Variants in GRIPAP1 observed in about 807,000 individuals in gnomAD.
GRIPAP1 encodes the protein GRIP1-associated protein 1.
GRIPAP1 carries 14 observed loss-of-function variants against 84.1 expected under a neutral mutation model. The ratio of observed to expected loss-of-function variants is 0.17; its 90% CI spans 0.11 to 0.26. The LOEUF is 0.26. Among genes scored for constraint, GRIPAP1 ranks in the 10% least tolerant of loss-of-function variants. The pLI, the probability that GRIPAP1 is intolerant of heterozygous loss-of-function variation, is 1.00. For missense variants in GRIPAP1, 518 were observed against 674.2 expected, an observed-to-expected ratio of 0.77 and a Z score of 2.57; for synonymous variants, 261 against 256.8, an observed-to-expected ratio of 1.02 and a Z score of -0.15.
chrX:48,992,890 G>A (rs1486192594), intron 6 of GRIPAP1, among the ~76,000 whole-genome samples: 9 of 108,524 alleles, frequency 8.3e-5, no homozygotes, highest in African/African-American at 3.0e-4. Flanking sequence ...GTGTGATCTC[G>A]GCTCACTGCA....
Position 48,992,165 on chromosome X carries a change from CTGGCT to C in GRIPAP1, c.458-1060_458-1056del, listed in dbSNP as rs1292635696. Among the ~76,000 whole-genome samples the C allele has an allele frequency of 4.5e-5, 5 of 111,397 alleles. No individual in the cohort carries two copies. In the East Asian group the frequency reaches 1.4e-3, roughly 32 times the overall value. On this transcript the variant is annotated intron_variant, in intron 6 of 25. Transcript: ENST00000376423. ...GAATTACAGGCATTTGCCATCAAAC[CTGGCT>C]AATTATTGTATTTTTAATAGAAATG...
chrX:48,986,128 C>A (rs921091036), intron 13 of GRIPAP1, among the ~76,000 whole-genome samples: 26 of 106,661 alleles, frequency 2.4e-4, no homozygotes, highest in Admixed American at 2.0e-4. Context: ...GTAGTCCCAG[C>A]TATTTGGGAG....
At chrX:48,974,931 A>G (rs1323725854) in intron 25 of GRIPAP1, among the ~76,000 whole-genome samples, 1 of 111,506 alleles carries the variant, frequency 9.0e-6, no homozygotes, top group African/African-American at 3.3e-5. Flanking sequence ...GTGAATGTGT[A>G]GATAAATGGA....
At chrX:48,995,543 AGAT>A (rs2064542819) in intron 5 of GRIPAP1, among the ~76,000 whole-genome samples, 2 of 111,979 alleles carry the variant, frequency 1.8e-5, no homozygotes, top group South Asian at 3.7e-4. Flanking sequence ...TAGAAACAGC[AGAT>A]GATAAGTGGT....
chrX:48,999,009 A>G, intron 3 of GRIPAP1: 1 of 376,545 alleles, frequency 2.7e-6, no homozygotes, highest in Non-Finnish European at 4.6e-6. Flanking sequence ...TGAGTAACTG[A>G]AATTAGAAAT....
Position 48,973,854 on chromosome X carries a change from G to A in GRIPAP1, c.*339C>T, listed in dbSNP as rs1557059587. On this transcript the variant is annotated 3_prime_UTR_variant, in exon 26 of 26. Transcript: ENST00000376423. ...CATCCCCAATCCCAAATGCAGAGTA[G>A]CCAGGCTCCAGACATAAATTAAAAA... 1 of 128,303 alleles carries A rather than the reference G, an allele frequency of 7.8e-6. No homozygotes were observed. The highest frequency in any genetic ancestry group is 1.5e-5 in the Non-Finnish European group (1 of 66,736). The allele number at this position is 128,303 out of a possible 1,213,427, so 10.6% of individuals were successfully genotyped here.
rs1557065214 is a variant in GRIPAP1, at chrX:48,990,737, A to C, written c.643-5T>G. 1.0e-5 allele frequency: 12 copies of C among 1,201,627 alleles called. No individual in the cohort carries two copies. In the Admixed American group the frequency reaches 2.4e-4, roughly 24 times the overall value. ...TGTTTCGGCCTGCTTTGAGCTCTGC[A>C]GGGAAGGATGAGGGATGGGAGGGTT... On this transcript the variant is annotated splice_polypyrimidine_tract_variant and splice_region_variant and intron_variant, in intron 7 of 25. Coordinates refer to ENST00000376423, the MANE Select transcript of GRIPAP1 (RefSeq NM_020137.5).
chrX:48,981,179 A>G (rs2064454421), intron 21 of GRIPAP1, 36 bp downstream of exon 21: 2 of 1,099,471 alleles, frequency 1.8e-6, no homozygotes, highest in African/African-American at 3.6e-5. Flanking sequence ...TACCTCCCCC[A>G]TGCCTCAGCC....
At chrX:48,981,126 G>C in intron 21 of GRIPAP1, 89 bp downstream of exon 21, 1 of 616,261 alleles carries the variant, frequency 1.6e-6, no homozygotes, top group Non-Finnish European at 2.6e-6. Context: ...AAGCACAGCT[G>C]AGGAAGATGC....
In GRIPAP1 at chrX:48,991,081, C is replaced by T. The variant is rs781800766; in HGVS notation, c.487G>A (p.Gly163Arg). Residue 163 changes from glycine to arginine, a missense_variant, in exon 7 of 26, where the codon GGG (glycine) becomes AGG (arginine). Transcript: ENST00000376423. ...CCCTCACTGACAGCTGAGAACTTCC[C>T]GGCTTCTTTCCCATAGCGTTCCTGC... ...ALQERYGKEA[G>R]KFSAVSEGQG... is the part of the protein sequence containing the mutation. 9 of 1,200,811 alleles carry T rather than the reference C, an allele frequency of 7.5e-6. No homozygotes were observed. Among genetic ancestry groups the T allele is most frequent in the Admixed American group, 6.5e-5 (3 of 45,824 alleles).
chrX:48,985,231 G>C (rs782210552), intron 14 of GRIPAP1, 37 bp downstream of exon 14: 2 of 1,173,363 alleles, frequency 1.7e-6, no homozygotes, highest in Non-Finnish European at 1.2e-6. Context: ...CATTACTAGG[G>C]AACTAGGAAG....
chrX:48,990,648 AT>A, intron 8 of GRIPAP1, 36 bp downstream of exon 8: 1 of 1,139,812 alleles, frequency 8.8e-7, no homozygotes, highest in Middle Eastern at 2.4e-4. Flanking sequence ...AATCCAGCAG[AT>A]TGGGAGCAGA....
chrX:48,991,176 A>G, intron 6 of GRIPAP1, 66 bp from the exon 7 acceptor site: 1 of 802,791 alleles, frequency 1.2e-6, no homozygotes, highest in Non-Finnish European at 1.9e-6. Flanking sequence ...CATGCCTCGA[A>G]TAGAGGGAGA....
chrX:48,982,904 G>C, intron 17 of GRIPAP1, 75 bp downstream of exon 17: 2 of 664,740 alleles, frequency 3.0e-6, no homozygotes, highest in East Asian at 6.5e-5. Context: ...TCCAGGGCCT[G>C]ACCACTCCTG....
rs782682357 is a variant in GRIPAP1, at chrX:48,978,272, AGCTGGAGCT to A, written c.2061+24_2061+32del. 3.3e-6 allele frequency: 4 copies of A among 1,204,203 alleles called. No individual in the cohort carries two copies. The East Asian group carries it at 1.2e-4, about 36-fold the overall frequency. ...GTTCTCAGATTTTTGGGTTGAGAGA[AGCTGGAGCT>A]GTAGGTTCTTCCTTTCCCCTTACCC... On this transcript the variant is annotated intron_variant, in intron 22 of 25. Transcript: ENST00000376423.
intron 5 of GRIPAP1, among the ~76,000 whole-genome samples, 185 bp downstream of exon 5, chrX:48,997,065 C>G (rs1391548567): frequency 9.0e-6 from 1 of 111,252 alleles, no homozygotes; most frequent in Admixed American, 9.7e-5. Flanking sequence ...GCCTTCTAAT[C>G]CCAGCAGAGT....
intron 5 of GRIPAP1, among the ~76,000 whole-genome samples, chrX:48,994,955 T>C (rs1365559118): frequency 8.9e-6 from 1 of 111,904 alleles, no homozygotes; most frequent in African/African-American, 3.2e-5. Context: ...TCACTACTAG[T>C]ATTATTTGTT....
At chrX:48,974,520 C>T (rs782126096) in intron 25 of GRIPAP1, among the ~76,000 whole-genome samples, 13 of 111,862 alleles carry the variant, frequency 1.2e-4, no homozygotes, top group Non-Finnish European at 2.1e-4. Flanking sequence ...GGGATGCCTC[C>T]TGTGGCATGG....
chrX:48,991,637 A>G (rs1557065570), intron 6 of GRIPAP1, among the ~76,000 whole-genome samples: 1 of 112,194 alleles, frequency 8.9e-6, no homozygotes, highest in African/African-American at 3.2e-5. Context: ...CAGGAGTTCA[A>G]GACCAGCCTG....
Sources: gnomAD v4.1 joint callset for allele counts (sites outside exome capture counted in the v4.1 genomes callset) on GRCh38, gnomAD v4.1.1 for gene constraint, MANE v1.5 for transcripts, NCBI Gene and HGNC (gene_info 2026-07-23, HGNC 2026-07-21) for gene names.